Variants in HMGXB4 observed in about 807,000 individuals in gnomAD.
The protein encoded by HMGXB4 is HMG-box containing 4.
A neutral mutation model predicts 63.9 loss-of-function variants in HMGXB4; 27 were observed. That is an observed-to-expected ratio of 0.42 (90% CI 0.31 to 0.58). The LOEUF is 0.58. Ranked by LOEUF, HMGXB4 falls within the 20% of genes least tolerant of loss-of-function variation. The pLI is 0.13. For synonymous variants in HMGXB4, 264 were observed against 265.3 expected, an observed-to-expected ratio of 0.99 and a Z score of 0.05; for missense variants, 624 against 700.7, an observed-to-expected ratio of 0.89 and a Z score of 1.24.
chr22:35,274,409 CCTT>C (rs565071588), intron 5 of HMGXB4, among the ~76,000 whole-genome samples: 33 of 152,188 alleles, frequency 2.2e-4, no homozygotes, highest in Non-Finnish European at 3.8e-4. Flanking sequence ...GCCAGGCTGG[CCTT>C]CTAGGAAGGG....
intron 7 of HMGXB4, among the ~76,000 whole-genome samples, 195 bp downstream of exon 7, chr22:35,286,256 G>A (rs892383906): frequency 6.6e-6 from 1 of 152,216 alleles, no homozygotes; most frequent in Non-Finnish European, 1.5e-5. Flanking sequence ...CTATAGCAAG[G>A]CTGTCTTTTC....
intron 5 of HMGXB4, among the ~76,000 whole-genome samples, chr22:35,269,318 C>T (rs1422498762): frequency 6.6e-6 from 1 of 152,200 alleles, no homozygotes; most frequent in Non-Finnish European, 1.5e-5. Flanking sequence ...GCAGAGGCTG[C>T]AGTGAGCCGA....
At chr22:35,274,592 C>T (rs1332479019) in intron 5 of HMGXB4, among the ~76,000 whole-genome samples, 1 of 152,132 alleles carries the variant, frequency 6.6e-6, no homozygotes, top group Non-Finnish European at 1.5e-5. Context: ...CAGAAATAAG[C>T]TTAAATAAAC....
At chr22:35,241,896 A>ATG in the HMGXB4 span, among the ~76,000 whole-genome samples, 1 of 152,132 alleles carries the variant, frequency 6.6e-6, no homozygotes, top group Non-Finnish European at 1.5e-5. Flanking sequence ...AAGCCTCAGC[A>ATG]CGCTGCTCTG....
At position 35,265,321 on chromosome 22, in the gene HMGXB4, T is replaced by C. The variant is rs1359442753; in HGVS notation, c.933T>C (p.Asp311=). The C allele has an allele frequency of 6.2e-7, 1 of 1,613,544 alleles. No individual in the cohort carries two copies. ...ELEAGELVID[D]SYREIKKKKK... ...AGGCTGGGGAGTTAGTGATAGATGA[T>C]TCTTACCGAGAAATCAAGAAGAAAA... The change falls in exon 5 of 11, where the codon GAT becomes GAC. Residue 311 remains aspartate, a synonymous_variant. Transcript: ENST00000216106.
upstream of HMGXB4, among the ~76,000 whole-genome samples, chr22:35,257,095 C>T (rs1238419505): frequency 1.3e-5 from 2 of 152,148 alleles, no homozygotes; most frequent in African/African-American, 4.8e-5. Context: ...CTAGGTGTTG[C>T]AAAGAGGAGA....
the HMGXB4 span, among the ~76,000 whole-genome samples, chr22:35,247,698 T>G: frequency 6.6e-6 from 1 of 152,298 alleles, no homozygotes; most frequent in East Asian, 1.9e-4. Context: ...TGCTGCCCGA[T>G]GCATAATGTC....
At position 35,265,336 on chromosome 22, in the gene HMGXB4, CAAGAAGAAA is replaced by C; in HGVS notation, c.955_963del (p.Lys319_Lys321del). 6.2e-7 allele frequency: 1 copy of C among 1,613,514 alleles called. No individual in the cohort carries two copies. The highest frequency in any genetic ancestry group is 8.5e-7 in the Non-Finnish European group (1 of 1,179,896). On this transcript the variant is annotated inframe_deletion, in exon 5 of 11. Transcript: ENST00000216106. The stretch of plus-strand genomic sequence containing the variant: ...TGATAGATGATTCTTACCGAGAAAT[CAAGAAGAAA>C]AAGAAGTCAAAGAAGAGCAAAAAGA...
intron 7 of HMGXB4, among the ~76,000 whole-genome samples, chr22:35,286,549 T>TG (rs1160781235): frequency 6.6e-6 from 1 of 152,186 alleles, no homozygotes; most frequent in African/African-American, 2.4e-5. Flanking sequence ...AGTAAGACAC[T>TG]GATAAACAGT....
intron 6 of HMGXB4, among the ~76,000 whole-genome samples, chr22:35,285,407 T>C (rs1329122574): frequency 2.0e-5 from 3 of 152,072 alleles, no homozygotes; most frequent in Non-Finnish European, 4.4e-5. Flanking sequence ...TAGCCAAGCA[T>C]TGTGGTGCAC....
chr22:35,256,619 C>T (rs989899195), upstream of HMGXB4, among the ~76,000 whole-genome samples: 19 of 152,296 alleles, frequency 1.2e-4, no homozygotes, highest in Admixed American at 7.2e-4. Context: ...CCTGCCTCAG[C>T]CTCCTAAGTA....
chr22:35,291,933 G>A (rs932176989), intron 9 of HMGXB4, among the ~76,000 whole-genome samples: 6 of 152,164 alleles, frequency 3.9e-5, no homozygotes, highest in African/African-American at 1.4e-4. Context: ...GGAGGATGAG[G>A]GAAAGGAAGA....
chr22:35,287,149 G>A, intron 7 of HMGXB4, 198 bp from the exon 8 acceptor site: 1 of 541,096 alleles, frequency 1.8e-6, no homozygotes, highest in Non-Finnish European at 3.4e-6. Context: ...AATGTTTATA[G>A]TCCTTTACTA....
In HMGXB4 at chr22:35,262,382, A is replaced by G. The variant is rs1221713924; in HGVS notation, c.-9A>G. Reference sequence around the variant, plus strand: ...AGTGACACATTCTCAAAGGCCCTGCAGGACCACCATGGCTTATGATGACTC... The same window carrying G: ...AGTGACACATTCTCAAAGGCCCTGCGGGACCACCATGGCTTATGATGACTC... On this transcript the variant is annotated 5_prime_UTR_variant, in exon 2 of 11. Transcript: ENST00000216106. 3 of 1,613,864 alleles carry G rather than the reference A, an allele frequency of 1.9e-6. No individual in the cohort carries two copies. The highest frequency in any genetic ancestry group is 2.5e-6 in the Non-Finnish European group (3 of 1,179,830).
At chr22:35,290,198 T>G (rs1252702226) in intron 9 of HMGXB4, among the ~76,000 whole-genome samples, 1 of 152,202 alleles carries the variant, frequency 6.6e-6, no homozygotes, top group African/African-American at 2.4e-5. Context: ...ACAGTTTGTT[T>G]TAAGCGTATT....
chr22:35,272,858 C>T (rs561869934), intron 5 of HMGXB4, among the ~76,000 whole-genome samples: 10 of 152,298 alleles, frequency 6.6e-5, no homozygotes, highest in East Asian at 5.8e-4. Flanking sequence ...CGCTTGAACC[C>T]GGGAGGCGGA....
chr22:35,263,828 A>G lies in HMGXB4; in HGVS notation c.213A>G (p.Thr71=), dbSNP rs1319123423. The change falls in exon 4 of 11, where the codon ACA becomes ACG. Residue 71 remains threonine (T), a synonymous_variant. Transcript: ENST00000216106. ...DSELYFLGTD[T]HKKKRKHSSD... Reference sequence around the variant, plus strand: ...AACTTTACTTCTTGGGGACGGACACACACAAGAAGAAGAGGAAGCACTCCT... The same window carrying G: ...AACTTTACTTCTTGGGGACGGACACGCACAAGAAGAAGAGGAAGCACTCCT... 2 of 1,613,524 alleles carry G rather than the reference A, an allele frequency of 1.2e-6. No individual in the cohort carries two copies. Among genetic ancestry groups the G allele is most frequent in the African/African-American group, 1.3e-5 (1 of 74,922 alleles).
chr22:35,291,041 TC>T, intron 9 of HMGXB4, among the ~76,000 whole-genome samples: 1 of 152,302 alleles, frequency 6.6e-6, no homozygotes, highest in South Asian at 2.1e-4. Context: ...AGTGGGAGGA[TC>T]ACCTGAGGCT....
At chr22:35,253,058 G>A (rs141830860), upstream of HMGXB4, among the ~76,000 whole-genome samples, 4 of 150,724 alleles carry the variant, frequency 2.7e-5, no homozygotes, top group African/African-American at 9.7e-5. Flanking sequence ...CTTGAATCCG[G>A]GAGGCGGAGG....
Sources: gnomAD v4.1 joint callset for allele counts (sites outside exome capture counted in the v4.1 genomes callset) on GRCh38, gnomAD v4.1.1 for gene constraint, MANE v1.5 for transcripts, NCBI Gene and HGNC (gene_info 2026-07-23, HGNC 2026-07-21) for gene names.